RANBP2: variants seen among roughly 807,000 people sequenced by gnomAD.
RANBP2 encodes E3 SUMO-protein ligase RanBP2.
A neutral mutation model predicts 303.6 loss-of-function variants in RANBP2; 57 were observed. That is an observed-to-expected ratio of 0.19 (90% CI 0.15 to 0.23). The LOEUF is 0.23. Among genes scored for constraint, RANBP2 ranks in the 10% least tolerant of loss-of-function variants. RANBP2 has a pLI of 1.00. For missense variants in RANBP2, 3,138 were observed against 3,780.8 expected (o/e 0.83, Z 4.46); for synonymous variants, 1,167 against 1,301.5 (o/e 0.90, Z 2.23).
chr2:109,102,603 G>A, the RANBP2 span, among the ~76,000 whole-genome samples: 1 of 151,968 alleles, frequency 6.6e-6, no homozygotes, highest in East Asian at 1.9e-4. Flanking sequence ...ATAACTCTTC[G>A]GTAGTTAGGA....
chr2:109,218,860 C>T, the RANBP2 span, among the ~76,000 whole-genome samples: 1 of 152,182 alleles, frequency 6.6e-6, no homozygotes, highest in East Asian at 1.9e-4. Context: ...CACACAAACC[C>T]ACAATCAATG....
chr2:109,512,582 C>G, the RANBP2 span, among the ~76,000 whole-genome samples: 2 of 152,130 alleles, frequency 1.3e-5, no homozygotes, highest in Non-Finnish European at 2.9e-5. Context: ...CTGTGTGTCT[C>G]TCTATCTACA....
chr2:109,565,667 A>ACATC, the RANBP2 span: 2 of 1,061,924 alleles, frequency 1.9e-6, no homozygotes, highest in African/African-American at 3.1e-5. Flanking sequence ...ACAACCAATC[A>ACATC]CATCCAAACT....
At chr2:109,193,439 C>G in the RANBP2 span, among the ~76,000 whole-genome samples, 1 of 152,234 alleles carries the variant, frequency 6.6e-6, no homozygotes, top group Non-Finnish European at 1.5e-5. Flanking sequence ...TCCTTACTGT[C>G]ACCCCAGCTC....
Position 108,754,904 on chromosome 2 carries a change from G to C in RANBP2, c.2203-1G>C. 6.2e-7 allele frequency: 1 copy of C among 1,611,466 alleles called. No individual in the cohort carries two copies. ...CCTTAATTAATGTCTTTTATTTTTA[G>C]TTGCCTGTGCCCCTGGAGTCTGTAA... is the stretch of plus-strand genomic sequence containing the variant. On this transcript the variant is annotated splice_acceptor_variant, in intron 15 of 28. Transcript: ENST00000283195. LOFTEE classifies it high-confidence loss of function.
At chr2:109,035,153 T>C in the RANBP2 span, among the ~76,000 whole-genome samples, 1 of 152,206 alleles carries the variant, frequency 6.6e-6, no homozygotes, top group Non-Finnish European at 1.5e-5. Flanking sequence ...ATTTGTTAGA[T>C]GTCAGATCAA....
At chr2:109,576,580 A>C in the RANBP2 span, among the ~76,000 whole-genome samples, 1 of 152,174 alleles carries the variant, frequency 6.6e-6, no homozygotes, top group Non-Finnish European at 1.5e-5. Flanking sequence ...AAATGGGAAA[A>C]ATTAATCTGT....
At chr2:109,573,722 C>T in the RANBP2 span, among the ~76,000 whole-genome samples, 1 of 152,128 alleles carries the variant, frequency 6.6e-6, no homozygotes, top group African/African-American at 2.4e-5. Context: ...AAAATTCTAA[C>T]GTTTCTTTAA....
At chr2:109,709,848 G>A in the RANBP2 span, among the ~76,000 whole-genome samples, 1 of 152,236 alleles carries the variant, frequency 6.6e-6, no homozygotes, top group Non-Finnish European at 1.5e-5. Context: ...AGCACTTTGG[G>A]AGGCTGAGGA....
the RANBP2 span, among the ~76,000 whole-genome samples, chr2:109,112,827 G>A: frequency 3.9e-5 from 6 of 152,176 alleles, no homozygotes; most frequent in Non-Finnish European, 8.8e-5. Context: ...GTAAGGAAGG[G>A]ATCCAATTTC....
chr2:109,553,376 C>T, the RANBP2 span, among the ~76,000 whole-genome samples: 6 of 151,714 alleles, frequency 4.0e-5, no homozygotes, highest in Admixed American at 1.3e-4. Flanking sequence ...GAAACCCTGT[C>T]TCTACAAAAA....
chr2:109,138,985 A>T, the RANBP2 span, among the ~76,000 whole-genome samples: 1 of 151,996 alleles, frequency 6.6e-6, no homozygotes, highest in Non-Finnish European at 1.5e-5. Context: ...AATAAGAGAC[A>T]TGAAGACAAG....
the RANBP2 span, among the ~76,000 whole-genome samples, chr2:109,004,058 G>T: frequency 6.6e-6 from 1 of 152,196 alleles, no homozygotes; most frequent in Non-Finnish European, 1.5e-5. Context: ...TGGGAGATAA[G>T]CTTTCTCTAT....
the RANBP2 span, among the ~76,000 whole-genome samples, chr2:109,045,726 T>C: frequency 3.2e-4 from 48 of 152,046 alleles, no homozygotes; most frequent in African/African-American, 1.2e-3. Context: ...TACTTTTAAC[T>C]TTTTATTACC....
the RANBP2 span, among the ~76,000 whole-genome samples, chr2:109,692,911 C>T: frequency 2.7e-5 from 4 of 150,690 alleles, no homozygotes; most frequent in Admixed American, 1.3e-4. Context: ...CTCCACCTCC[C>T]GGGTTCAAGC....
At chr2:109,569,003 C>A in the RANBP2 span, among the ~76,000 whole-genome samples, 5 of 152,186 alleles carry the variant, frequency 3.3e-5, no homozygotes, top group Non-Finnish European at 7.3e-5. Context: ...AATATCCCCA[C>A]AAAAGACTGA....
chr2:109,097,315 A>AAAAACAAAACAAAAC, the RANBP2 span, among the ~76,000 whole-genome samples: 5 of 148,856 alleles, frequency 3.4e-5, no homozygotes, highest in South Asian at 2.2e-4. Context: ...AAACAAAACA[A>AAAAACAAAACAAAAC]AAAACAAAAC....
chr2:109,269,326 G>A, the RANBP2 span, among the ~76,000 whole-genome samples: 50 of 152,292 alleles, frequency 3.3e-4, no homozygotes, highest in African/African-American at 1.2e-3. Flanking sequence ...GGAAAACCTT[G>A]CCTTCCCCCC....
the RANBP2 span, among the ~76,000 whole-genome samples, chr2:108,874,869 A>G: frequency 2.0e-5 from 3 of 151,940 alleles, no homozygotes; most frequent in African/African-American, 4.8e-5. Flanking sequence ...GGTGCCATGA[A>G]GCTGCAATAA....
Sources: gnomAD v4.1 joint callset for allele counts (sites outside exome capture counted in the v4.1 genomes callset) on GRCh38, gnomAD v4.1.1 for gene constraint, MANE v1.5 for transcripts, NCBI Gene and HGNC (gene_info 2026-07-23, HGNC 2026-07-21) for gene names.